The following HNRNPA1 variants were observed in gnomAD, a reference collection of about 807,000 sequenced individuals.
HNRNPA1 encodes the protein epididymis secretory sperm binding protein.
HNRNPA1 carries 7 observed loss-of-function variants against 44.4 expected under a neutral mutation model. The ratio of observed to expected loss-of-function variants is 0.16; its 90% CI spans 0.09 to 0.30. The LOEUF is 0.30. HNRNPA1 is among the 10% of genes least tolerant of loss of function. The pLI is 1.00. For synonymous variants in HNRNPA1, 169 were observed against 160.6 expected (o/e 1.05, Z -0.40); for missense variants, 193 against 465.8 (o/e 0.41, Z 5.39).
In HNRNPA1 at chr12:54,286,264, A is replaced by G. The variant is rs966645844; in HGVS notation, c.*1720A>G. 1.3e-5 allele frequency: 2 copies of G among 152,290 alleles called. No homozygotes were observed. Among genetic ancestry groups the G allele is most frequent in the Admixed American group, 6.5e-5 (1 of 15,294 alleles). The allele number at this position is 152,290 out of a possible 1,614,324, so 9.4% of individuals were successfully genotyped here. The stretch of plus-strand genomic sequence containing the variant: ...GACTAGCAGTCAGAACCAGGAGGAA[A>G]GGTTTTATTGCTATGCGGGTAGGTA... On this transcript the variant is annotated 3_prime_UTR_variant, in exon 11 of 11. Transcript: ENST00000340913.
chr12:54,281,324 T>C, intron 1 of HNRNPA1, 62 bp from the exon 2 acceptor site: 1 of 926,780 alleles, frequency 1.1e-6, no homozygotes, highest in Non-Finnish European at 1.7e-6. Context: ...GTTTTTCTTT[T>C]CCTCGATGGA....
chr12:54,284,023 G>A, intron 9 of HNRNPA1, 56 bp downstream of exon 9: 1 of 1,582,242 alleles, frequency 6.3e-7, no homozygotes, highest in Non-Finnish European at 8.6e-7. Flanking sequence ...AGCTACTGCT[G>A]GGAAGAAAGC....
chr12:54,283,612 G>A, intron 8 of HNRNPA1, 200 bp from the exon 9 acceptor site: 1 of 625,642 alleles, frequency 1.6e-6, no homozygotes, highest in South Asian at 2.0e-5. Context: ...GTCATGGTGA[G>A]TTAGGCCAGT....
chr12:54,283,655 G>T, intron 8 of HNRNPA1, 157 bp from the exon 9 acceptor site: 2 of 728,382 alleles, frequency 2.7e-6, no homozygotes, highest in South Asian at 1.7e-5. Context: ...TCAACTGAAT[G>T]CCTTTCCCAG....
In HNRNPA1 at chr12:54,286,585, A is replaced by G. The variant is rs1944266590; in HGVS notation, c.*2041A>G. On this transcript the variant is annotated 3_prime_UTR_variant, in exon 11 of 11. Transcript: ENST00000340913. ...ATGGTGGGGGGATGGGTGGGTTATT[A>G]ATGGGAGGTATGGGGGGTTTAGCTT... The G allele has an allele frequency of 6.6e-6, 1 of 152,068 alleles. No homozygotes were observed. The highest frequency in any genetic ancestry group is 2.4e-5 in the African/African-American group (1 of 41,398). 9.4% of individuals were successfully genotyped at this position (152,068 alleles called of 1,614,324 possible). A position where few individuals can be genotyped will look rare whatever the true frequency, so the allele number is the denominator to read the frequency against.
rs369777635 is a variant in HNRNPA1 at position 54,284,259 on chromosome 12, T to C, written c.1065T>C (p.Gly355=). 1 of 1,613,654 alleles carries C rather than the reference T, an allele frequency of 6.2e-7. No individual in the cohort carries two copies. The highest frequency in any genetic ancestry group is 1.3e-5 in the African/African-American group (1 of 74,928). Residue 355 remains glycine (G), a splice_region_variant and synonymous_variant, in exon 10 of 11, where the codon GGT becomes GGC. Coordinates refer to ENST00000340913, the MANE Select transcript of HNRNPA1 (RefSeq NM_031157.4). The part of the protein sequence containing the change: ...GQYFAKPRNQ[G]GYGGSSSSSS... ...TAAAAGAAAAATTGTACTTTTCAGG[T>C]GGCTATGGCGGTTCCAGCAGCAGCA...
In HNRNPA1 at chr12:54,283,151, G is replaced by T; in HGVS notation, c.824G>T (p.Gly275Val). ...TATGGAAGTGGTGGACAGGGTTATGGAAACCAGGGCAGTGGCTATGGCGGG... is the reference window on the plus strand; with the variant it reads ...TATGGAAGTGGTGGACAGGGTTATGTAAACCAGGGCAGTGGCTATGGCGGG... ...RGYGSGGQGY[G>V]NQGSGYGGSG... Residue 275 changes from glycine (G) to valine (V), a missense_variant, in exon 8 of 11, where the codon GGA (glycine) becomes GTA (valine). By Grantham distance (109) the Gly-to-Val change is moderately radical. Coordinates refer to ENST00000340913, the MANE Select transcript of HNRNPA1 (RefSeq NM_031157.4). 2 of 1,613,678 alleles carry T rather than the reference G, an allele frequency of 1.2e-6. No individual in the cohort carries two copies. Among genetic ancestry groups the T allele is most frequent in the Non-Finnish European group, 8.5e-7 (1 of 1,179,776 alleles).
At chr12:54,283,357 G>A (rs1034626300) in intron 8 of HNRNPA1, 123 bp downstream of exon 8, 4 of 1,091,448 alleles carry the variant, frequency 3.7e-6, no homozygotes, top group Non-Finnish European at 4.0e-6. Flanking sequence ...AAATGGGCTT[G>A]CTATGCTACC....
chr12:54,281,524 G>A, intron 2 of HNRNPA1, 22 bp downstream of exon 2: 1 of 1,524,786 alleles, frequency 6.6e-7, no homozygotes, highest in Non-Finnish European at 9.1e-7. Flanking sequence ...AAGGGACAAA[G>A]CAGTAAAACA....
intron 7 of HNRNPA1, 57 bp downstream of exon 7, chr12:54,282,931 AG>A: frequency 6.7e-7 from 1 of 1,486,208 alleles, no homozygotes; most frequent in Non-Finnish European, 9.1e-7. Flanking sequence ...TCTTTAGAAT[AG>A]GTTAGTAGAG....
At chr12:54,281,525 C>T in intron 2 of HNRNPA1, 23 bp downstream of exon 2, 1 of 1,502,292 alleles carries the variant, frequency 6.7e-7, no homozygotes, top group Non-Finnish European at 9.2e-7. Flanking sequence ...AGGGACAAAG[C>T]AGTAAAACAG....
At chr12:54,282,758 TAAGTCC>T (rs1227920731) in intron 6 of HNRNPA1, 36 bp from the exon 7 acceptor site, 1 of 1,578,068 alleles carries the variant, frequency 6.3e-7, no homozygotes, top group South Asian at 1.1e-5. Flanking sequence ...AATGTCACTT[TAAGTCC>T]AAGTCATACT....
At position 54,286,577 on chromosome 12, in the gene HNRNPA1, G is replaced by C. The variant is rs1944266445; in HGVS notation, c.*2033G>C. On this transcript the variant is annotated 3_prime_UTR_variant, in exon 11 of 11. Coordinates refer to ENST00000340913, the MANE Select transcript of HNRNPA1 (RefSeq NM_031157.4). ...TTCCCCAAATGGTGGGGGGATGGGT[G>C]GGTTATTAATGGGAGGTATGGGGGG... 1.3e-5 allele frequency: 2 copies of C among 152,072 alleles called. No individual in the cohort carries two copies. Among genetic ancestry groups the C allele is most frequent in the South Asian group, 4.2e-4 (2 of 4,818 alleles). 9.4% of individuals were successfully genotyped at this position (152,072 alleles called of 1,614,324 possible).
chr12:54,283,001 G>A, intron 7 of HNRNPA1, 78 bp from the exon 8 acceptor site: 14 of 1,536,738 alleles, frequency 9.1e-6, no homozygotes, highest in Non-Finnish European at 1.2e-5. Flanking sequence ...GCTGTGAGCA[G>A]GCCTTCAGCC....
At chr12:54,282,700 C>T (rs187988364) in intron 6 of HNRNPA1, 35 bp downstream of exon 6, 5 of 1,596,766 alleles carry the variant, frequency 3.1e-6, no homozygotes, top group East Asian at 4.5e-5. Flanking sequence ...GTTCTGACTT[C>T]TCACCATCTT....
In HNRNPA1 at chr12:54,282,560, T is replaced by C. The variant is rs376578056; in HGVS notation, c.584-13T>C. 5.0e-6 allele frequency: 8 copies of C among 1,613,490 alleles called. No homozygotes were observed. The African/African-American group carries it at 1.1e-4, about 22-fold the overall frequency. ...AGTATGAATGATTTAATGCTTAAACTTCATGTCTTAAGGTCGAAGTGGTTC... is the reference window on the plus strand; with the variant it reads ...AGTATGAATGATTTAATGCTTAAACCTCATGTCTTAAGGTCGAAGTGGTTC... On this transcript the variant is annotated splice_polypyrimidine_tract_variant and intron_variant, in intron 5 of 10. Transcript: ENST00000340913.
chr12:54,281,974 C>T lies in HNRNPA1; in HGVS notation c.279+33C>T, dbSNP rs770093208. The T allele has an allele frequency of 1.1e-5, 17 of 1,610,590 alleles. No homozygotes were observed. In the South Asian group the frequency reaches 1.9e-4, roughly 18 times the overall value. The stretch of plus-strand genomic sequence containing the variant: ...GGTTTTTTTTCTTCTTCTTCTTAAA[C>T]TTACTTGGATATGTGCTGCTATGGA... On this transcript the variant is annotated intron_variant, in intron 3 of 10. Coordinates refer to ENST00000340913, the MANE Select transcript of HNRNPA1 (RefSeq NM_031157.4).
chr12:54,280,990 C>T (rs774131196), intron 1 of HNRNPA1, 168 bp downstream of exon 1: 1 of 758,280 alleles, frequency 1.3e-6, no homozygotes, highest in Non-Finnish European at 2.4e-6. Flanking sequence ...TCTTGATCGC[C>T]ATGAGGCCGC....
intron 2 of HNRNPA1, 107 bp downstream of exon 2, chr12:54,281,609 A>G: frequency 9.8e-7 from 1 of 1,018,974 alleles, no homozygotes; most frequent in Non-Finnish European, 1.5e-6. Flanking sequence ...TTATAGTTAG[A>G]GCTTTGTTGG....
Sources: allele counts gnomAD v4.1 joint callset, GRCh38; gene constraint gnomAD v4.1.1; transcripts MANE v1.5; gene names NCBI Gene and HGNC (gene_info 2026-07-23, HGNC 2026-07-21).